The following MRPS6 variants were observed in gnomAD, a reference collection of about 807,000 sequenced individuals.
MRPS6 encodes the protein mitochondrial ribosomal protein S6, also known as small ribosomal subunit protein bS6m.
Under a neutral mutation model 13.1 loss-of-function variants are expected in MRPS6, and 6 were observed. The ratio of observed to expected loss-of-function variants is 0.46; its 90% CI spans 0.25 to 0.91. MRPS6 has a LOEUF of 0.91. Ranked by LOEUF, MRPS6 falls within the 40% of genes least tolerant of loss-of-function variation. The probability of loss-of-function intolerance (pLI) is 0.18; values close to 1 mark genes in which losing one functional copy is unlikely to be tolerated. For synonymous variants in MRPS6, 61 were observed against 56.5 expected (o/e 1.08, Z -0.36); for missense variants, 164 against 155.6 (o/e 1.05, Z -0.29).
intron 2 of MRPS6, among the ~76,000 whole-genome samples, chr21:34,136,322 A>G (rs1286890692): frequency 1.3e-5 from 2 of 151,652 alleles, no homozygotes; most frequent in East Asian, 1.9e-4. Context: ...TAATTTTTGT[A>G]TTTTTGGTAG....
intron 1 of MRPS6, among the ~76,000 whole-genome samples, chr21:34,075,850 G>T (rs1395996309): frequency 2.0e-5 from 3 of 152,164 alleles, no homozygotes; most frequent in South Asian, 4.1e-4. Flanking sequence ...TGTTTGGGGG[G>T]AAACGAATTT....
chr21:34,083,152 A>T (rs1459133777), intron 1 of MRPS6, among the ~76,000 whole-genome samples: 2 of 152,210 alleles, frequency 1.3e-5, no homozygotes, highest in African/African-American at 2.4e-5. Flanking sequence ...TTGTCAGGTG[A>T]AGAAACCAAG....
At chr21:34,139,949 A>G (rs186428064) in intron 2 of MRPS6, among the ~76,000 whole-genome samples, 3 of 152,092 alleles carry the variant, frequency 2.0e-5, no homozygotes, top group Admixed American at 2.0e-4. Context: ...CACCTTTCTC[A>G]TTCCCAGTGC....
At chr21:34,101,916 A>G (rs1240336494) in intron 1 of MRPS6, 2 of 1,000,096 alleles carry the variant, frequency 2.0e-6, no homozygotes, top group Admixed American at 6.2e-5. Flanking sequence ...CCCCTTTGAA[A>G]TGATGGTGTC....
At chr21:34,105,595 C>T in intron 1 of MRPS6, 4 of 999,954 alleles carry the variant, frequency 4.0e-6, no homozygotes, top group Non-Finnish European at 4.8e-6. Flanking sequence ...AGTTAGTACA[C>T]TGGGGGTGTA....
chr21:34,101,323 C>G (rs957993601), intron 1 of MRPS6: 10 of 1,000,130 alleles, frequency 1.0e-5, no homozygotes, highest in Admixed American at 6.2e-5. Flanking sequence ...TAAGTTTCAG[C>G]TTTTTAAACC....
intron 1 of MRPS6, among the ~76,000 whole-genome samples, chr21:34,119,792 C>G (rs1980056810): frequency 6.6e-6 from 1 of 152,128 alleles, no homozygotes; most frequent in African/African-American, 2.4e-5. Flanking sequence ...TTAGGTTAAA[C>G]GTTGGTCATT....
At position 34,096,165 on chromosome 21, in the gene MRPS6, C is replaced by G; in HGVS notation, c.45+22420C>G. On this transcript the variant is annotated intron_variant, in intron 1 of 2. Transcript: ENST00000399312. The surrounding 1 kb of genome is among the most constrained non-coding windows in gnomAD (Gnocchi z 5.9). ...TGTCCCAGGAATGATTTCCAGGATA[C>G]TGTTTACTGATGATATAGCTTGCAT... The G allele has an allele frequency of 6.2e-7, 1 of 1,614,136 alleles. No individual in the cohort carries two copies. The highest frequency in any genetic ancestry group is 8.5e-7 in the Non-Finnish European group (1 of 1,179,996).
intron 1 of MRPS6, among the ~76,000 whole-genome samples, chr21:34,087,439 A>C (rs1471692220): frequency 2.0e-5 from 3 of 152,252 alleles, no homozygotes; most frequent in Admixed American, 6.5e-5. Flanking sequence ...TGTTCTGGAC[A>C]CTAGGACACA....
intron 1 of MRPS6, chr21:34,123,774 A>G (rs1312343773): frequency 6.6e-6 from 1 of 151,510 alleles, no homozygotes; most frequent in African/African-American, 2.4e-5. Flanking sequence ...CCTCCTCACC[A>G]TTGTTCTCAT....
At chr21:34,137,025 ATCTC>A (rs777260912) in intron 2 of MRPS6, among the ~76,000 whole-genome samples, 1 of 152,034 alleles carries the variant, frequency 6.6e-6, no homozygotes, top group Non-Finnish European at 1.5e-5. Context: ...TAGTCTTTTG[ATCTC>A]TCTGTGTATC....
chr21:34,129,679 C>CA (rs1980432159), intron 2 of MRPS6, among the ~76,000 whole-genome samples: 1 of 152,152 alleles, frequency 6.6e-6, no homozygotes, highest in South Asian at 2.1e-4. Context: ...TGAGCACTGG[C>CA]ACCCTCTCTA....
chr21:34,075,526 C>T (rs1300757036), intron 1 of MRPS6, among the ~76,000 whole-genome samples: 1 of 151,662 alleles, frequency 6.6e-6, no homozygotes, highest in Non-Finnish European at 1.5e-5. Flanking sequence ...TTGAAATCTT[C>T]GCATGAGGGA....
intron 2 of MRPS6, chr21:34,136,136 G>A (rs1980693412): frequency 5.7e-6 from 1 of 174,060 alleles, no homozygotes; most frequent in Admixed American, 6.3e-5. Flanking sequence ...TGGAGTGCCA[G>A]TTTTTCTTTT....
chr21:34,088,383 G>A (rs1016127832), intron 1 of MRPS6, among the ~76,000 whole-genome samples: 5 of 20,236 alleles, frequency 2.5e-4, no homozygotes, highest in African/African-American at 8.9e-4. Flanking sequence ...TTTGCTGTAT[G>A]TGAAGCCTAT....
At chr21:34,116,791 G>GC (rs996463039) in intron 1 of MRPS6, among the ~76,000 whole-genome samples, 4 of 152,116 alleles carry the variant, frequency 2.6e-5, no homozygotes, top group East Asian at 1.9e-4. Context: ...AACATTTATT[G>GC]CCCCCCTTTC....
At chr21:34,095,420 A>G (rs1569416393) in intron 1 of MRPS6, 4 of 1,614,134 alleles carry the variant, frequency 2.5e-6, no homozygotes, top group Non-Finnish European at 3.4e-6. Context: ...CTGGAGCTGC[A>G]AGTGGATTTG....
At chr21:34,110,678 G>A (rs1979661728) in intron 1 of MRPS6, among the ~76,000 whole-genome samples, 1 of 152,078 alleles carries the variant, frequency 6.6e-6, no homozygotes, top group Non-Finnish European at 1.5e-5. Flanking sequence ...ATTCTGAATC[G>A]TTGCCCCTTG....
chr21:34,073,657 G>C lies in MRPS6; in HGVS notation c.-44G>C, dbSNP rs560767215. On this transcript the variant is annotated 5_prime_UTR_variant, in exon 1 of 3. Coordinates refer to ENST00000399312, the MANE Select transcript of MRPS6 (RefSeq NM_032476.4). ...CCGCCGTCCCGCCCCTTCGCGTCCC[G>C]GGAACCGGCTGGCTTCCGAGCCGCA... is the stretch of plus-strand genomic sequence containing the variant. 2 of 1,508,208 alleles carry C rather than the reference G, an allele frequency of 1.3e-6. No individual in the cohort carries two copies. The highest frequency in any genetic ancestry group is 5.4e-5 in the East Asian group (2 of 36,798). The allele number at this position is 1,508,208 out of a possible 1,614,324, so 93.4% of individuals were successfully genotyped here.
Sources: allele counts gnomAD v4.1 joint callset (sites outside exome capture counted in the v4.1 genomes callset), GRCh38; gene constraint gnomAD v4.1.1; non-coding constraint Gnocchi (gnomAD v3.1); transcripts MANE v1.5; gene names NCBI Gene and HGNC (gene_info 2026-07-23, HGNC 2026-07-21).